RANBP2: variants seen among roughly 807,000 people sequenced by gnomAD.
The protein encoded by RANBP2 is RAN binding protein 2.
Under a neutral mutation model 303.6 loss-of-function variants are expected in RANBP2, and 57 were observed. The observed-to-expected ratio is 0.19, with a 90% CI of 0.15 to 0.23. RANBP2 has a LOEUF of 0.23. Ranked by LOEUF, RANBP2 falls within the 10% of genes least tolerant of loss-of-function variation. RANBP2 has a pLI of 1.00. For missense variants in RANBP2, 3,138 were observed against 3,780.8 expected (o/e 0.83, Z 4.46); for synonymous variants, 1,167 against 1,301.5 (o/e 0.90, Z 2.23).
At chr2:108,876,296 A>G in the RANBP2 span, 4 of 1,094,066 alleles carry the variant, frequency 3.7e-6, no homozygotes, top group African/African-American at 4.8e-5. Context: ...GCTTATTTAT[A>G]AACATGTAGA....
chr2:109,667,320 T>C, the RANBP2 span: 1 of 592,762 alleles, frequency 1.7e-6, no homozygotes, highest in Non-Finnish European at 3.1e-6. Context: ...TGACTGCCAT[T>C]TAGAGAGGAA....
At chr2:108,978,911 C>G in the RANBP2 span, among the ~76,000 whole-genome samples, 1 of 152,196 alleles carries the variant, frequency 6.6e-6, no homozygotes, top group Non-Finnish European at 1.5e-5. Flanking sequence ...ATAATGTAAA[C>G]TCCAACGAAG....
the RANBP2 span, among the ~76,000 whole-genome samples, chr2:109,123,549 T>C: frequency 6.6e-6 from 1 of 152,314 alleles, no homozygotes; most frequent in South Asian, 2.1e-4. Flanking sequence ...ATTCATGAGC[T>C]CCAGGGTTTG....
the RANBP2 span, chr2:109,613,249 G>A: frequency 2.3e-4 from 261 of 1,138,574 alleles, no homozygotes; most frequent in Admixed American, 6.8e-4. Context: ...TCAAAACAGT[G>A]AACAAACGCG....
the RANBP2 span, among the ~76,000 whole-genome samples, chr2:109,377,435 A>G: frequency 6.6e-6 from 1 of 152,140 alleles, no homozygotes; most frequent in Non-Finnish European, 1.5e-5. Context: ...TAACCCTAGG[A>G]TCCGGGGAAG....
At chr2:109,116,615 C>A in the RANBP2 span, among the ~76,000 whole-genome samples, 1 of 152,184 alleles carries the variant, frequency 6.6e-6, no homozygotes, top group Non-Finnish European at 1.5e-5. Flanking sequence ...TCATCTGAAG[C>A]CTTCTTCTCT....
At chr2:109,138,927 A>G in the RANBP2 span, among the ~76,000 whole-genome samples, 1 of 152,242 alleles carries the variant, frequency 6.6e-6, no homozygotes, top group African/African-American at 2.4e-5. Context: ...CTGACCATTC[A>G]GAGGACACTG....
the RANBP2 span, among the ~76,000 whole-genome samples, chr2:109,505,407 G>C: frequency 6.6e-6 from 1 of 152,228 alleles, no homozygotes; most frequent in African/African-American, 2.4e-5. Context: ...AGGCAGTGGT[G>C]CATGCCTGTA....
chr2:109,161,842 C>A, the RANBP2 span, among the ~76,000 whole-genome samples: 2 of 152,058 alleles, frequency 1.3e-5, no homozygotes, highest in South Asian at 4.2e-4. Context: ...CATCGGGCCC[C>A]GTCCAACATT....
the RANBP2 span, among the ~76,000 whole-genome samples, chr2:108,831,413 A>G: frequency 6.6e-6 from 1 of 152,194 alleles, no homozygotes; most frequent in African/African-American, 2.4e-5. Flanking sequence ...AAAAGATAAG[A>G]AAAAGTACTT....
the RANBP2 span, among the ~76,000 whole-genome samples, chr2:109,140,959 G>A: frequency 5.9e-5 from 9 of 152,124 alleles, no homozygotes; most frequent in Non-Finnish European, 8.8e-5. Context: ...CCTTCCATCC[G>A]GGGCTGCTGT....
chr2:109,103,882 C>T, the RANBP2 span, among the ~76,000 whole-genome samples: 1 of 151,846 alleles, frequency 6.6e-6, no homozygotes, highest in Non-Finnish European at 1.5e-5. Flanking sequence ...CAAGCTCTGC[C>T]TCCTGAGTTC....
chr2:109,694,345 C>G, the RANBP2 span, among the ~76,000 whole-genome samples: 3 of 151,882 alleles, frequency 2.0e-5, no homozygotes, highest in Non-Finnish European at 4.4e-5. Flanking sequence ...GAGCCCTCCC[C>G]AAAATCAGAA....
At chr2:109,639,848 T>A in the RANBP2 span, among the ~76,000 whole-genome samples, 2 of 151,304 alleles carry the variant, frequency 1.3e-5, no homozygotes, top group African/African-American at 4.8e-5. Context: ...GTAGCTGCGA[T>A]TACAGGCGCA....
chr2:109,435,216 G>T, the RANBP2 span, among the ~76,000 whole-genome samples: 1 of 152,284 alleles, frequency 6.6e-6, no homozygotes, highest in Admixed American at 6.5e-5. Context: ...GAAGGCCATG[G>T]GTCCCTCAGT....
chr2:109,411,779 A>T, the RANBP2 span, among the ~76,000 whole-genome samples: 1 of 151,968 alleles, frequency 6.6e-6, no homozygotes, highest in African/African-American at 2.4e-5. Flanking sequence ...CTTCATCTTG[A>T]CCTTTGGGAA....
the RANBP2 span, among the ~76,000 whole-genome samples, chr2:108,880,242 A>C: frequency 6.6e-6 from 1 of 151,682 alleles, no homozygotes; most frequent in Non-Finnish European, 1.5e-5. Flanking sequence ...AAAACGAGAG[A>C]AGGCACAGAT....
At chr2:108,950,365 C>CTCA in the RANBP2 span, among the ~76,000 whole-genome samples, 5 of 152,072 alleles carry the variant, frequency 3.3e-5, no homozygotes, top group Admixed American at 3.3e-4. Flanking sequence ...ATCCTCCCGC[C>CTCA]TCAGCCTCAA....
chr2:109,063,814 A>G, the RANBP2 span, among the ~76,000 whole-genome samples: 1 of 152,054 alleles, frequency 6.6e-6, no homozygotes, highest in Admixed American at 6.5e-5. Flanking sequence ...AAAAAAAAAC[A>G]AAAAAACAAC....
Sources: allele counts gnomAD v4.1 joint callset (sites outside exome capture counted in the v4.1 genomes callset), GRCh38; gene constraint gnomAD v4.1.1; transcripts MANE v1.5; gene names NCBI Gene and HGNC (gene_info 2026-07-23, HGNC 2026-07-21).